Variants in WAC observed in about 807,000 individuals in gnomAD.
WAC encodes WW domain-containing adapter protein with coiled-coil.
Under a neutral mutation model 79.6 loss-of-function variants are expected in WAC, and 11 were observed. The ratio of observed to expected loss-of-function variants is 0.14; its 90% CI spans 0.09 to 0.23. WAC has a LOEUF of 0.23. Ranked by LOEUF, WAC falls within the 10% of genes least tolerant of loss-of-function variation. The pLI, the probability that WAC is intolerant of heterozygous loss-of-function variation, is 1.00. For synonymous variants in WAC, 304 were observed against 276.9 expected (o/e 1.10, Z -0.97); for missense variants, 728 against 773.5 (o/e 0.94, Z 0.70).
At chr10:28,583,288 T>C (rs548904386) in intron 3 of WAC, 111 bp from the exon 4 acceptor site, 71 of 747,112 alleles carry the variant, frequency 9.5e-5, no homozygotes, top group Non-Finnish European at 1.4e-4. Context: ...AATGCTTATG[T>C]AAGATGTTCG....
chr10:28,555,045 C>T (rs1321332432), intron 3 of WAC, among the ~76,000 whole-genome samples: 2 of 152,168 alleles, frequency 1.3e-5, no homozygotes, highest in African/African-American at 2.4e-5. Context: ...TTTCCCCTCC[C>T]AAACCTGCTT....
At chr10:28,600,489 A>G (rs1474814653) in intron 7 of WAC, among the ~76,000 whole-genome samples, 1 of 152,182 alleles carries the variant, frequency 6.6e-6, no homozygotes, top group Non-Finnish European at 1.5e-5. Flanking sequence ...GGCTTACTAA[A>G]TATTCATGAA....
intron 3 of WAC, among the ~76,000 whole-genome samples, chr10:28,573,929 C>T (rs1011854353): frequency 6.7e-6 from 1 of 150,188 alleles, no homozygotes; most frequent in Non-Finnish European, 1.5e-5. Context: ...TTTGTCTATT[C>T]TTAATGTTTT....
intron 3 of WAC, among the ~76,000 whole-genome samples, chr10:28,536,842 C>A (rs1429727885): frequency 6.6e-6 from 1 of 152,186 alleles, no homozygotes; most frequent in African/African-American, 2.4e-5. Flanking sequence ...CTACATGTTG[C>A]TTAAGTAGAT....
At chr10:28,610,133 A>C (rs938218552) in intron 8 of WAC, among the ~76,000 whole-genome samples, 1 of 151,870 alleles carries the variant, frequency 6.6e-6, no homozygotes, top group African/African-American at 2.4e-5. Flanking sequence ...GGGTTTCACT[A>C]TGTTGGGCAG....
chr10:28,619,960 TA>T lies in WAC; in HGVS notation c.*373del, dbSNP rs35294532. On this transcript the variant is annotated 3_prime_UTR_variant, in exon 14 of 14. Coordinates refer to ENST00000354911, the MANE Select transcript of WAC (RefSeq NM_016628.5). ...AACCTGTCTGCAAAATTAGCTTTTT[TA>T]AAAAAAAAAAAAAAAAAATTGGGGG... 7,808 of 142,016 alleles carry T rather than the reference TA, an allele frequency of 0.055. 395 individuals carry two copies. The highest frequency in any genetic ancestry group is 0.14 in the African/African-American group (5,336 of 38,244). 8.8% of individuals were successfully genotyped at this position (142,016 alleles called of 1,614,324 possible).
chr10:28,542,348 TG>T (rs1837100658), intron 3 of WAC, among the ~76,000 whole-genome samples: 1 of 152,174 alleles, frequency 6.6e-6, no homozygotes, highest in Admixed American at 6.5e-5. Flanking sequence ...TAACATGACA[TG>T]GGCATTTCTG....
intron 3 of WAC, among the ~76,000 whole-genome samples, chr10:28,557,534 A>G (rs1023750638): frequency 6.6e-6 from 1 of 152,052 alleles, no homozygotes; most frequent in Admixed American, 6.6e-5. Context: ...CTCTACAAAA[A>G]TTTTTAAAAA....
At chr10:28,587,848 T>A (rs1839900325) in intron 4 of WAC, among the ~76,000 whole-genome samples, 1 of 152,158 alleles carries the variant, frequency 6.6e-6, no homozygotes, top group African/African-American at 2.4e-5. Flanking sequence ...AGACCGGTGC[T>A]CGGGTTTGTG....
chr10:28,614,473 C>T (rs1252135407), intron 10 of WAC, 94 bp from the exon 11 acceptor site: 3 of 1,026,820 alleles, frequency 2.9e-6, no homozygotes, highest in East Asian at 2.4e-5. Context: ...ACTTGACTGC[C>T]ACATTTTACA....
At chr10:28,583,316 A>C (rs1839635877) in intron 3 of WAC, 83 bp from the exon 4 acceptor site, 1 of 974,520 alleles carries the variant, frequency 1.0e-6, no homozygotes, top group African/African-American at 1.7e-5. Flanking sequence ...ATATAAAATA[A>C]TATCTAGTAT....
intron 3 of WAC, among the ~76,000 whole-genome samples, chr10:28,575,356 T>G (rs1288892994): frequency 6.6e-6 from 1 of 152,210 alleles, no homozygotes; most frequent in Non-Finnish European, 1.5e-5. Context: ...CTTTTGTTCT[T>G]TTTTATGGCT....
intron 9 of WAC, chr10:28,611,198 C>A: frequency 8.7e-7 from 1 of 1,152,142 alleles, no homozygotes; most frequent in Non-Finnish European, 1.2e-6. Context: ...TTCAGATTGA[C>A]GTTAGATGTT....
At chr10:28,538,547 A>C (rs910235365) in intron 3 of WAC, among the ~76,000 whole-genome samples, 1 of 142,984 alleles carries the variant, frequency 7.0e-6, no homozygotes, top group South Asian at 2.2e-4. Flanking sequence ...GTGCCATTGC[A>C]CTCCAGCCTG....
intron 3 of WAC, among the ~76,000 whole-genome samples, chr10:28,563,800 A>G (rs1490423401): frequency 1.5e-5 from 2 of 131,232 alleles, no homozygotes; most frequent in Non-Finnish European, 3.1e-5. Context: ...CGGGGTTTCA[A>G]CATGTTGGCC....
In WAC at chr10:28,538,581, C is replaced by CAA. The variant is rs34777121; in HGVS notation, c.274+2843_274+2844dup. Reference sequence around the variant, plus strand: ...TGGGAGACGGATTGAGACCCTGTCTCAAAAAAAAAAAAAAAAAAAAGAATT... The same window carrying CAA: ...TGGGAGACGGATTGAGACCCTGTCTCAAAAAAAAAAAAAAAAAAAAAAGAATT... On this transcript the variant is annotated intron_variant, in intron 3 of 13. Transcript: ENST00000354911. 3.1e-3 allele frequency among the ~76,000 whole-genome samples: 308 copies of CAA among 98,184 alleles called. 1 individual carries two copies. The highest frequency in any genetic ancestry group is 6.2e-3 in the South Asian group (18 of 2,916). 64.4% of individuals were successfully genotyped at this position (98,184 alleles called of 152,430 possible).
intron 6 of WAC, 77 bp downstream of exon 6, chr10:28,590,909 A>ATC: frequency 9.7e-7 from 1 of 1,032,438 alleles, no homozygotes; most frequent in Non-Finnish European, 1.4e-6. Flanking sequence ...ATCCATTGCC[A>ATC]TCTACATATG....
intron 3 of WAC, among the ~76,000 whole-genome samples, chr10:28,563,341 G>GACT (rs1431287701): frequency 1.3e-5 from 2 of 152,158 alleles, no homozygotes; most frequent in African/African-American, 4.8e-5. Context: ...CTAGGAGGTA[G>GACT]AACAAGTGAG....
chr10:28,586,819 A>G (rs1839841851), intron 4 of WAC, among the ~76,000 whole-genome samples: 1 of 152,226 alleles, frequency 6.6e-6, no homozygotes, highest in African/African-American at 2.4e-5. Flanking sequence ...ATTTTTATTT[A>G]AAGACACTGT....
Sources: gnomAD v4.1 joint callset for allele counts (sites outside exome capture counted in the v4.1 genomes callset) on GRCh38, gnomAD v4.1.1 for gene constraint, MANE v1.5 for transcripts, NCBI Gene and HGNC (gene_info 2026-07-23, HGNC 2026-07-21) for gene names.